The following TMCC3 variants were observed in gnomAD, a reference collection of about 807,000 sequenced individuals.
TMCC3 encodes transmembrane and coiled-coil domain protein 3.
TMCC3 carries 28 observed loss-of-function variants against 40.2 expected under a neutral mutation model. That is an observed-to-expected ratio of 0.70 (90% confidence interval 0.52 to 0.95). The LOEUF (loss-of-function observed/expected upper bound fraction) is 0.95, where lower values mean the gene tolerates loss of function less well. Among genes scored for constraint, TMCC3 ranks in the 40% least tolerant of loss-of-function variants. The pLI, the probability that TMCC3 is intolerant of heterozygous loss-of-function variation, is 0.00. For missense variants in TMCC3, 554 were observed against 615.2 expected, an observed-to-expected ratio of 0.90 and a Z score of 1.05; for synonymous variants, 255 against 248.5, an observed-to-expected ratio of 1.03 and a Z score of -0.25.
chr12:94,589,626 C>T lies in TMCC3; in HGVS notation c.79-7088G>A, dbSNP rs1216168879. On this transcript the variant is annotated intron_variant, in intron 1 of 3. Transcript: ENST00000261226. ...AGTCACAGAGAAGTTAAGTAAATTG[C>T]CTGGGGGCACACAGCCAGTAACCGG... 4.6e-5 allele frequency among the ~76,000 whole-genome samples: 7 copies of T among 150,636 alleles called. No individual in the cohort carries two copies. The South Asian group carries it at 1.2e-3, about 27-fold the overall frequency.
At chr12:94,583,399 G>A (rs1333046605) in intron 1 of TMCC3, among the ~76,000 whole-genome samples, 1 of 152,104 alleles carries the variant, frequency 6.6e-6, no homozygotes, top group African/African-American at 2.4e-5. Context: ...AGCTACTCGG[G>A]AGGCTGAGGC....
chr12:94,619,135 G>A (rs1281778676), intron 1 of TMCC3, among the ~76,000 whole-genome samples: 1 of 152,118 alleles, frequency 6.6e-6, no homozygotes, highest in Non-Finnish European at 1.5e-5. Flanking sequence ...ACTTACACAC[G>A]TCTGACTCCA....
intron 2 of TMCC3, among the ~76,000 whole-genome samples, chr12:94,580,612 A>G (rs2366629): frequency 0.63 from 94,947 of 151,892 alleles, 30,608 homozygotes; most frequent in African/African-American, 0.79. Context: ...GTGGGTGCGT[A>G]TAATCCCAGC....
intron 1 of TMCC3, among the ~76,000 whole-genome samples, chr12:94,632,291 G>A (rs1236467893): frequency 1.3e-5 from 2 of 152,158 alleles, no homozygotes; most frequent in Non-Finnish European, 2.9e-5. Flanking sequence ...AAATTTTACT[G>A]TATGTAAATT....
rs745963455 is a variant in TMCC3 at position 94,571,277 on chromosome 12, G to A, written c.*158C>T. On this transcript the variant is annotated 3_prime_UTR_variant, in exon 4 of 4. Coordinates refer to ENST00000261226, the MANE Select transcript of TMCC3 (RefSeq NM_020698.4). Reference sequence around the variant, plus strand: ...AAGTACAAGGACTGAGTTGGCAACTGCTACGGAGTTAAGAGAATTGTAGTT... The same window carrying A: ...AAGTACAAGGACTGAGTTGGCAACTACTACGGAGTTAAGAGAATTGTAGTT... 2.7e-6 allele frequency: 2 copies of A among 743,424 alleles called. No individual in the cohort carries two copies. The highest frequency in any genetic ancestry group is 4.3e-6 in the Non-Finnish European group (2 of 466,406). The allele number at this position is 743,424 out of a possible 1,614,324, so 46.1% of individuals were successfully genotyped here. A position where few individuals can be genotyped will look rare whatever the true frequency, so the allele number is the denominator to read the frequency against.
intron 1 of TMCC3, among the ~76,000 whole-genome samples, chr12:94,620,539 C>T (rs1034465980): frequency 2.0e-5 from 3 of 151,900 alleles, no homozygotes; most frequent in East Asian, 1.9e-4. Flanking sequence ...CCATCTGCCT[C>T]GGCCTCCCAA....
intron 1 of TMCC3, chr12:94,616,003 A>G: frequency 1.0e-6 from 1 of 985,400 alleles, no homozygotes; most frequent in Non-Finnish European, 1.2e-6. Context: ...TGAATCTGCA[A>G]GGCAGGCAGG....
intron 3 of TMCC3, among the ~76,000 whole-genome samples, chr12:94,575,002 C>T (rs1301467253): frequency 6.6e-6 from 1 of 152,036 alleles, no homozygotes; most frequent in Non-Finnish European, 1.5e-5. Context: ...AGTATTCAGC[C>T]CCACAATTTT....
intron 1 of TMCC3, among the ~76,000 whole-genome samples, chr12:94,630,350 G>A (rs936547849): frequency 1.3e-5 from 2 of 152,108 alleles, no homozygotes; most frequent in African/African-American, 4.8e-5. Flanking sequence ...GAGGTAGCTC[G>A]GGCCTACATT....
chr12:94,582,349 C>T lies in TMCC3; in HGVS notation c.268G>A (p.Asp90Asn), dbSNP rs141857063. Reference sequence around the variant, plus strand: ...TTCAGATACTCCGCAACATTCCCATCGCGCGATGTTTGCTCAATTTTTATC... The same window carrying T: ...TTCAGATACTCCGCAACATTCCCATTGCGCGATGTTTGCTCAATTTTTATC... ...EQIKIEQTSR[D>N]GNVAEYLKLV... The change falls in exon 2 of 4, where the codon GAT becomes AAT. Residue 90 changes from aspartate (D) to asparagine (N), a missense_variant. Transcript: ENST00000261226. The T allele has an allele frequency of 9.9e-4, 1,593 of 1,613,980 alleles. 16 individuals carry two copies. The South Asian group carries it at 0.014, about 14-fold the overall frequency.
At chr12:94,582,953 TAGA>T (rs1240008833) in intron 1 of TMCC3, among the ~76,000 whole-genome samples, 1 of 138,268 alleles carries the variant, frequency 7.2e-6, no homozygotes, top group Non-Finnish European at 1.6e-5. Context: ...ACTCACTTAA[TAGA>T]AGGAGAATCT....
chr12:94,591,335 A>G (rs1185833082), intron 1 of TMCC3, among the ~76,000 whole-genome samples: 1 of 152,074 alleles, frequency 6.6e-6, no homozygotes, highest in African/African-American at 2.4e-5. Context: ...TTCAATAAAT[A>G]TGACCACCAA....
intron 1 of TMCC3, among the ~76,000 whole-genome samples, chr12:94,638,607 C>A (rs898308879): frequency 2.6e-5 from 4 of 152,212 alleles, no homozygotes; most frequent in African/African-American, 9.6e-5. Context: ...TACATAGAGT[C>A]TGAACAGCTC....
chr12:94,602,809 A>G (rs2068760841), intron 1 of TMCC3, among the ~76,000 whole-genome samples: 1 of 152,118 alleles, frequency 6.6e-6, no homozygotes. Context: ...CACATAATCA[A>G]GTTTGAATTG....
chr12:94,634,419 A>T (rs903910887), intron 1 of TMCC3, among the ~76,000 whole-genome samples: 2 of 150,116 alleles, frequency 1.3e-5, no homozygotes, highest in African/African-American at 4.9e-5. Flanking sequence ...CAAAAGTTTA[A>T]AAAAAAAAAG....
At chr12:94,604,910 A>C (rs1412459523) in intron 1 of TMCC3, among the ~76,000 whole-genome samples, 4 of 152,002 alleles carry the variant, frequency 2.6e-5, no homozygotes. Flanking sequence ...TAATTGACTT[A>C]GAGGCAGCTC....
rs747703839 is a variant in TMCC3, at chr12:94,645,881, G to C, written c.78+4472C>G. On this transcript the variant is annotated intron_variant, in intron 1 of 3. Transcript: ENST00000261226. ...TTTTGGCTTTTGGATTGAGATGCTC[G>C]GCCTATAGTAAAAGTGGTTAACATC... Among the ~76,000 whole-genome samples the C allele has an allele frequency of 2.0e-5, 3 of 152,082 alleles. No homozygotes were observed. The South Asian group carries it at 6.2e-4, about 32-fold the overall frequency.
chr12:94,634,238 C>A (rs570471959), intron 1 of TMCC3, among the ~76,000 whole-genome samples: 9 of 152,188 alleles, frequency 5.9e-5, no homozygotes, highest in African/African-American at 2.2e-4. Flanking sequence ...AACCACCGTG[C>A]CTGGCCCAGT....
chr12:94,637,269 T>G (rs950157999), intron 1 of TMCC3, among the ~76,000 whole-genome samples: 1 of 152,202 alleles, frequency 6.6e-6, no homozygotes, highest in African/African-American at 2.4e-5. Flanking sequence ...TGGGAGAAGC[T>G]GGGTGAGGGG....
Sources: gnomAD v4.1 joint callset for allele counts (sites outside exome capture counted in the v4.1 genomes callset) on GRCh38, gnomAD v4.1.1 for gene constraint, MANE v1.5 for transcripts, NCBI Gene and HGNC (gene_info 2026-07-23, HGNC 2026-07-21) for gene names.